The following SUGCT variants were observed in gnomAD, a reference collection of about 807,000 sequenced individuals.
SUGCT encodes succinyl-CoA:glutarate-CoA transferase, also known as succinyl-CoA:glutarate CoA-transferase.
Under a neutral mutation model 55.0 loss-of-function variants are expected in SUGCT, and 41 were observed. The observed-to-expected ratio is 0.74, with a 90% CI of 0.58 to 0.97. SUGCT has a LOEUF of 0.97. SUGCT is among the 50% of genes least tolerant of loss of function. SUGCT has a pLI of 0.00. For synonymous variants in SUGCT, 187 were observed against 200.4 expected, an observed-to-expected ratio of 0.93 and a Z score of 0.56; for missense variants, 568 against 547.8, an observed-to-expected ratio of 1.04 and a Z score of -0.37.
intron 12 of SUGCT, among the ~76,000 whole-genome samples, chr7:40,681,330 A>G (rs917219163): frequency 1.3e-5 from 2 of 152,122 alleles, no homozygotes; most frequent in Admixed American, 6.5e-5. Flanking sequence ...CCAGTGCCCA[A>G]TGATTTAATC....
At chr7:40,891,532 C>T in the SUGCT span, among the ~76,000 whole-genome samples, 1 of 152,056 alleles carries the variant, frequency 6.6e-6, no homozygotes, top group Non-Finnish European at 1.5e-5. Flanking sequence ...AAAAAAAGAA[C>T]AAAAACTGCC....
At chr7:40,629,959 T>C (rs906935031) in intron 12 of SUGCT, among the ~76,000 whole-genome samples, 7 of 152,128 alleles carry the variant, frequency 4.6e-5, no homozygotes, top group Admixed American at 1.3e-4. Context: ...GCCAATTTCA[T>C]TGGAGAAATA....
intron 9 of SUGCT, among the ~76,000 whole-genome samples, chr7:40,344,613 A>G (rs1228609540): frequency 6.6e-6 from 1 of 152,220 alleles, no homozygotes; most frequent in Admixed American, 6.5e-5. Context: ...CAGTTGCAAC[A>G]GAGATTGTAT....
chr7:40,841,795 C>G (rs941664463), intron 13 of SUGCT, among the ~76,000 whole-genome samples: 2 of 152,176 alleles, frequency 1.3e-5, no homozygotes, highest in Non-Finnish European at 1.5e-5. Flanking sequence ...ATGGCCATCT[C>G]TACCCTTAGT....
intron 13 of SUGCT, among the ~76,000 whole-genome samples, chr7:40,849,338 T>TA (rs1439526375): frequency 8.5e-5 from 13 of 152,318 alleles, no homozygotes; most frequent in African/African-American, 3.1e-4. Context: ...CCAGCTATGT[T>TA]AATTACTTTA....
At chr7:40,933,992 C>T in the SUGCT span, among the ~76,000 whole-genome samples, 20 of 152,280 alleles carry the variant, frequency 1.3e-4, no homozygotes, top group African/African-American at 4.1e-4. Context: ...CCAGGAGCTG[C>T]GATCCTTTGG....
intron 11 of SUGCT, among the ~76,000 whole-genome samples, chr7:40,465,060 C>T (rs984734239): frequency 2.6e-5 from 4 of 152,098 alleles, no homozygotes; most frequent in East Asian, 1.9e-4. Context: ...AAGTTGTTTA[C>T]GTTATGTCAT....
chr7:40,866,156 A>T, the SUGCT span, among the ~76,000 whole-genome samples: 1 of 152,206 alleles, frequency 6.6e-6, no homozygotes, highest in African/African-American at 2.4e-5. Context: ...ATACTGAAAG[A>T]AAAGAAATTA....
intron 13 of SUGCT, among the ~76,000 whole-genome samples, chr7:40,758,120 G>C (rs1425781765): frequency 1.3e-5 from 2 of 151,628 alleles, no homozygotes; most frequent in East Asian, 3.9e-4. Flanking sequence ...AGTGGCTTCA[G>C]CTAGGAGTGA....
At chr7:40,366,020 G>A (rs761570552) in intron 9 of SUGCT, among the ~76,000 whole-genome samples, 7 of 152,014 alleles carry the variant, frequency 4.6e-5, no homozygotes, top group African/African-American at 1.2e-4. Flanking sequence ...ACTTTACTAC[G>A]AGGCTACAGT....
At chr7:40,290,416 A>G (rs1793667339) in intron 8 of SUGCT, among the ~76,000 whole-genome samples, 1 of 152,228 alleles carries the variant, frequency 6.6e-6, no homozygotes, top group African/African-American at 2.4e-5. Context: ...AGGATTCTCT[A>G]TTTAATAAAT....
intron 12 of SUGCT, among the ~76,000 whole-genome samples, chr7:40,565,368 T>A (rs1367672548): frequency 1.3e-5 from 2 of 152,226 alleles, no homozygotes; most frequent in Non-Finnish European, 2.9e-5. Flanking sequence ...AGGTATGTTC[T>A]GCAAAGTAAA....
Position 40,310,514 on chromosome 7 carries a change from A to G in SUGCT, c.721-6246A>G, listed in dbSNP as rs553926158. 3.3e-5 allele frequency among the ~76,000 whole-genome samples: 5 copies of G among 152,310 alleles called. No homozygotes were observed. The East Asian group carries it at 9.7e-4, about 29-fold the overall frequency. The stretch of plus-strand genomic sequence containing the variant: ...GTGGGTTTTAGTTAATAATGTGTCA[A>G]CATTGGCTCTGTAATTGTTAAGAAG... On this transcript the variant is annotated intron_variant, in intron 8 of 13. Coordinates refer to ENST00000335693, the MANE Select transcript of SUGCT (RefSeq NM_001193313.2).
chr7:40,863,374 C>G (rs1276924483), downstream of SUGCT, among the ~76,000 whole-genome samples: 2 of 152,176 alleles, frequency 1.3e-5, no homozygotes, highest in Non-Finnish European at 2.9e-5. Flanking sequence ...CCTGAGTTTG[C>G]TATTTCACCA....
At chr7:40,140,063 C>T (rs1222768334) in intron 1 of SUGCT, among the ~76,000 whole-genome samples, 1 of 151,756 alleles carries the variant, frequency 6.6e-6, no homozygotes, top group Non-Finnish European at 1.5e-5. Flanking sequence ...CCACCATGCC[C>T]CGCGAATTTT....
chr7:40,339,952 G>A (rs1409170350), intron 9 of SUGCT, among the ~76,000 whole-genome samples: 1 of 152,156 alleles, frequency 6.6e-6, no homozygotes. Context: ...AGGAACTGAT[G>A]AAATCTATGA....
the SUGCT span, among the ~76,000 whole-genome samples, chr7:40,977,955 C>G: frequency 1.3e-5 from 2 of 152,172 alleles, no homozygotes; most frequent in Non-Finnish European, 2.9e-5. Context: ...ACCCTTAAAC[C>G]TCGGCCATCT....
At chr7:40,685,006 T>A (rs1211884221) in intron 12 of SUGCT, among the ~76,000 whole-genome samples, 1 of 152,046 alleles carries the variant, frequency 6.6e-6, no homozygotes, top group Non-Finnish European at 1.5e-5. Flanking sequence ...AATTTTTGTG[T>A]GTGTTTATTT....
chr7:40,332,679 C>T (rs1013472329), intron 9 of SUGCT, among the ~76,000 whole-genome samples: 1 of 152,058 alleles, frequency 6.6e-6, no homozygotes, highest in Admixed American at 6.6e-5. Context: ...GCAAAAGAAT[C>T]TGAGGTTTGT....
Sources: gnomAD v4.1 joint callset for allele counts (sites outside exome capture counted in the v4.1 genomes callset) on GRCh38, gnomAD v4.1.1 for gene constraint, MANE v1.5 for transcripts, NCBI Gene and HGNC (gene_info 2026-07-23, HGNC 2026-07-21) for gene names.